TTLL8: variants seen among roughly 807,000 people sequenced by gnomAD.
The protein encoded by TTLL8 is protein monoglycylase TTLL8.
In TTLL8, 65 loss-of-function variants were observed where a neutral mutation model predicts 77.8. The observed-to-expected ratio is 0.84, with a 90% CI of 0.68 to 1.03. The LOEUF is 1.03. TTLL8 is among the 50% of genes least tolerant of loss of function. The pLI, the probability that TTLL8 is intolerant of heterozygous loss-of-function variation, is 0.00. For missense variants in TTLL8, 910 were observed against 1,004.5 expected (o/e 0.91, Z 1.27); for synonymous variants, 402 against 422.8 (o/e 0.95, Z 0.60).
intron 4 of TTLL8, among the ~76,000 whole-genome samples, chr22:50,046,645 G>A (rs897158081): frequency 4.6e-5 from 7 of 152,344 alleles, no homozygotes; most frequent in East Asian, 1.9e-4. Context: ...TGAGGCAGCC[G>A]CACCTGGCCT....
chr22:50,043,523 A>G lies in TTLL8; in HGVS notation c.644-1716T>C, dbSNP rs866378444. On this transcript the variant is annotated intron_variant, in intron 6 of 13. Transcript: ENST00000266182. ...GATGGATAGATAGATAAACAGTGGT[A>G]CCGAGACACCCTTCGTTAGATGGAT... Among the ~76,000 whole-genome samples the G allele has an allele frequency of 5.8e-3, 595 of 102,254 alleles. 17 individuals carry two copies. The highest frequency in any genetic ancestry group is 8.8e-3 in the Non-Finnish European group (421 of 47,858). 67.1% of individuals were successfully genotyped at this position (102,254 alleles called of 152,430 possible).
chr22:50,030,969 T>A, intron 11 of TTLL8, 44 bp from the exon 13 acceptor site: 1 of 1,296,534 alleles, frequency 7.7e-7, no homozygotes, highest in Admixed American at 2.3e-5. Context: ...GTGGCCGGGA[T>A]AGGGGGGGTC....
intron 10 of TTLL8, 97 bp from the exon 12 acceptor site, chr22:50,032,206 TC>T: frequency 8.1e-7 from 1 of 1,239,470 alleles, no homozygotes; most frequent in South Asian, 1.4e-5. Context: ...CCCAGCTGGC[TC>T]TAGAGAACCC....
chr22:50,047,232 T>G (rs764373087), exon 4 of TTLL8: 1 of 1,367,640 alleles, frequency 7.3e-7, no homozygotes, highest in Non-Finnish European at 9.8e-7. Flanking sequence ...CAGGCTGTGA[T>G]AGTCAATGAT....
At chr22:50,028,193 G>A (rs1601908206) in intron 12 of TTLL8, among the ~76,000 whole-genome samples, 1 of 152,368 alleles carries the variant, frequency 6.6e-6, no homozygotes, top group South Asian at 2.1e-4. Flanking sequence ...CATGGCTGGT[G>A]TGTGAGGATC....
chr22:50,049,193 G>A (rs919762379), intron 3 of TTLL8, 56 bp downstream of exon 5: 29 of 1,366,048 alleles, frequency 2.1e-5, no homozygotes, highest in Middle Eastern at 2.3e-4. Context: ...GCAGGGCGAC[G>A]GTGTGAGAAG....
chr22:50,057,719 T>TCAGGTCTGGGTTGTGGGC (rs1309534758), upstream of TTLL8, among the ~76,000 whole-genome samples: 3 of 125,836 alleles, frequency 2.4e-5, no homozygotes, highest in Admixed American at 2.5e-4. Context: ...GGGTTGGGGG[T>TCAGGTCTGGGTTGTGGGC]CAGGTCTGGG....
upstream of TTLL8, chr22:50,057,017 G>T (rs570903281): frequency 1.6e-6 from 2 of 1,251,562 alleles, no homozygotes; most frequent in South Asian, 1.2e-5. Context: ...GGGAGGGTGT[G>T]GGGGGCTCTG....
intron 10 of TTLL8, among the ~76,000 whole-genome samples, chr22:50,032,636 C>G (rs945631618): frequency 3.9e-5 from 6 of 152,234 alleles, no homozygotes; most frequent in Non-Finnish European, 8.8e-5. Flanking sequence ...AAGCAGACCC[C>G]CTTCCTGCCC....
In TTLL8 at chr22:50,025,194, C is replaced by A. The variant is rs1601905497; in HGVS notation, c.2203+5236G>T. ...GCGATTATTACATACCGCATGCCTG[C>A]ATCATCATATTTCACGTAACCCACA... On this transcript the variant is annotated intron_variant, in intron 12 of 13. Coordinates refer to ENST00000266182, the Ensembl canonical transcript of TTLL8. Among the ~76,000 whole-genome samples the A allele has an allele frequency of 2.7e-5, 4 of 149,294 alleles. No homozygotes were observed. In the South Asian group the frequency reaches 6.3e-4, roughly 24 times the overall value.
Position 50,032,085 on chromosome 22 carries a change from G to A in TTLL8, c.1308C>T (p.Ala436=), listed in dbSNP as rs200742726. 71 of 1,363,282 alleles carry A rather than the reference G, an allele frequency of 5.2e-5. 1 individual carries two copies. The South Asian group carries it at 5.6e-4, about 11-fold the overall frequency. The allele number at this position is 1,363,282 out of a possible 1,614,324, so 84.4% of individuals were successfully genotyped here. A position where few individuals can be genotyped will look rare whatever the true frequency, so the allele number is the denominator to read the frequency against. ...CATCATTCTTCAGGTACTTCTGGAC[G>A]GCGTTGTTGCACAGGTGGATGGCGC... The change falls in exon 11 of 14, where the codon GCC becomes GCT. Residue 436 remains alanine (A), a synonymous_variant. Transcript: ENST00000266182.
At chr22:50,049,316 G>A (rs374914920) in exon 3 of TTLL8, 23 of 1,367,604 alleles carry the variant, frequency 1.7e-5, no homozygotes, top group Non-Finnish European at 2.2e-5. Flanking sequence ...TTTGGCACAT[G>A]TATCATCTGC....
chr22:50,041,212 T>C lies in TTLL8; in HGVS notation c.896A>G (p.Glu299Gly). Residue 299 changes from glutamate (E) to glycine (G), a missense_variant, in exon 8 of 14, where the codon GAG becomes GGG. By Grantham distance (98) the Glu-to-Gly change is moderately conservative. Around this residue, in one of 2 missense-constraint regions of TTLL8, gnomAD observed 776 missense variants for 926.1 expected, o/e 0.84. Coordinates refer to ENST00000266182, the Ensembl canonical transcript of TTLL8. The surrounding 1 kb of genome is among the most constrained non-coding windows in gnomAD (Gnocchi z 4.3). ...CTGCCTGTCTCGGGCTGTGGGGGGC[T>C]CAAATGACATCATAACCTTCTGGAT... 1 of 465,598 alleles carries C rather than the reference T, an allele frequency of 2.1e-6. No homozygotes were observed. Among genetic ancestry groups the C allele is most frequent in the South Asian group, 1.7e-5 (1 of 59,352 alleles). 28.8% of individuals were successfully genotyped at this position (465,598 alleles called of 1,614,324 possible).
intron 8 of TTLL8, among the ~76,000 whole-genome samples, chr22:50,038,438 A>G (rs1010590764): frequency 1.2e-4 from 18 of 152,020 alleles, no homozygotes; most frequent in African/African-American, 3.1e-4. Flanking sequence ...ACTTCGTCTC[A>G]TTCTGATTTC....
At chr22:50,022,380 A>G (rs1002807046) in intron 12 of TTLL8, among the ~76,000 whole-genome samples, 6 of 139,824 alleles carry the variant, frequency 4.3e-5, no homozygotes, top group Middle Eastern at 5.3e-3. Context: ...GTACTACTCC[A>G]TCTGACAATG....
In TTLL8 at chr22:50,029,366, C is replaced by A. The variant is rs112030745; in HGVS notation, c.2203+1064G>T. 5.2e-3 allele frequency among the ~76,000 whole-genome samples: 682 copies of A among 130,608 alleles called. 15 individuals are homozygous for A. Among genetic ancestry groups the A allele is most frequent in the Non-Finnish European group, 8.2e-3 (477 of 58,372 alleles). The allele number at this position is 130,608 out of a possible 152,430, so 85.7% of individuals were successfully genotyped here. A position where few individuals can be genotyped will look rare whatever the true frequency, so the allele number is the denominator to read the frequency against. On this transcript the variant is annotated intron_variant, in intron 12 of 13. Transcript: ENST00000266182. ...CCCCATCACACCGTCCTAAAGACCCCCACACACCCTCGTAAAGACCCCATC... is the reference window on the plus strand; with the variant it reads ...CCCCATCACACCGTCCTAAAGACCCACACACACCCTCGTAAAGACCCCATC...
chr22:50,049,072 C>T (rs2061429229), intron 3 of TTLL8, 177 bp downstream of exon 5: 1 of 883,316 alleles, frequency 1.1e-6, no homozygotes, highest in South Asian at 5.2e-5. Flanking sequence ...GGGCTCGCCC[C>T]ACCCCTGGGG....
intron 4 of TTLL8, 187 bp downstream of exon 6, chr22:50,046,981 C>T: frequency 1.5e-6 from 1 of 683,108 alleles, no homozygotes; most frequent in Non-Finnish European, 1.8e-6. Context: ...GAGCAAAGGG[C>T]ACAGGGGTGC....
At chr22:50,031,072 G>A (rs968941409) in intron 11 of TTLL8, 147 bp from the exon 13 acceptor site, 2 of 701,460 alleles carry the variant, frequency 2.9e-6, no homozygotes, top group African/African-American at 3.9e-5. Flanking sequence ...GTCCCACGCA[G>A]ACCCCCAGGA....
Sources: gnomAD v4.1 joint callset for allele counts (sites outside exome capture counted in the v4.1 genomes callset) on GRCh38, gnomAD v4.1.1 for gene constraint, gnomAD v4.1.1 regional missense constraint, Gnocchi (gnomAD v3.1) non-coding constraint, MANE v1.5 for transcripts, NCBI Gene and HGNC (gene_info 2026-07-23, HGNC 2026-07-21) for gene names.